The following COL4A2 variants were observed in gnomAD, a reference collection of about 807,000 sequenced individuals.
COL4A2 encodes the protein collagen type IV alpha 2 chain.
Under a neutral mutation model 200.2 loss-of-function variants are expected in COL4A2, and 99 were observed. The observed-to-expected ratio is 0.49, with a 90% CI of 0.42 to 0.58. The LOEUF is 0.58. COL4A2 is among the 20% of genes least tolerant of loss of function. The pLI, the probability that COL4A2 is intolerant of heterozygous loss-of-function variation, is 0.00. For missense variants in COL4A2, 1,950 were observed against 2,314.1 expected (o/e 0.84, Z 3.23); for synonymous variants, 897 against 900.6 (o/e 1.00, Z 0.07).
chr13:110,457,773 A>C, intron 21 of COL4A2: 1 of 490,982 alleles, frequency 2.0e-6, no homozygotes, highest in Non-Finnish European at 4.2e-6. Context: ...GTAGTGTCTC[A>C]AGGGCTCAGC....
At chr13:110,417,847 A>G (rs1374117194) in intron 4 of COL4A2, among the ~76,000 whole-genome samples, 1 of 151,516 alleles carries the variant, frequency 6.6e-6, no homozygotes, top group Admixed American at 6.6e-5. Context: ...TAATTTAATA[A>G]AACCAGGATG....
chr13:110,506,348 C>A, intron 45 of COL4A2, 67 bp from the exon 46 acceptor site: 1 of 1,505,846 alleles, frequency 6.6e-7, no homozygotes. Context: ...CCAGGCCGTC[C>A]ACTCTCTCTC....
chr13:110,442,139 C>G lies in COL4A2; in HGVS notation c.957+2306C>G, dbSNP rs547363747. On this transcript the variant is annotated intron_variant, in intron 16 of 47. Coordinates refer to ENST00000360467, the MANE Select transcript of COL4A2 (RefSeq NM_001846.4). ...AAGGGCAGTTCCACAGAGCTGCTCC[C>G]TGGAACTCCAAAGTTAATGAAAGAC... Among the ~76,000 whole-genome samples the G allele has an allele frequency of 6.0e-5, 9 of 150,578 alleles. No homozygotes were observed. The South Asian group carries it at 1.9e-3, about 32-fold the overall frequency.
intron 47 of COL4A2, among the ~76,000 whole-genome samples, chr13:110,509,245 T>TTA (rs374846915): frequency 0.13 from 9,362 of 71,788 alleles, 748 homozygotes; most frequent in Non-Finnish European, 0.18. Flanking sequence ...ATTTCATAAA[T>TTA]TATATATATA....
At chr13:110,482,377 T>G (rs1402846665) in intron 31 of COL4A2, 139 bp from the exon 32 acceptor site, 3 of 872,098 alleles carry the variant, frequency 3.4e-6, no homozygotes. Context: ...TAGAAGATGG[T>G]GTCCCCGGAA....
chr13:110,480,267 C>T lies in COL4A2; in HGVS notation c.2635C>T (p.Pro879Ser). 2 of 1,613,470 alleles carry T rather than the reference C, an allele frequency of 1.2e-6. No individual in the cohort carries two copies. Among genetic ancestry groups the T allele is most frequent in the Non-Finnish European group, 1.7e-6 (2 of 1,179,666 alleles). ...GDPGDTGAPG[P>S]VGMKGLSGDR... The stretch of plus-strand genomic sequence containing the variant: ...CCCTGGGGACACAGGCGCTCCTGGC[C>T]CTGTGGGCATGAAAGGTCTCTCTGG... Residue 879 changes from proline (P) to serine (S), a missense_variant, in exon 31 of 48, where the codon CCT (proline) becomes TCT (serine). Physicochemically the swap from Pro to Ser is moderately conservative, Grantham distance 74. This residue lies in a region of COL4A2 where 1,385 missense variants were observed against 1,720.5 expected (regional missense o/e 0.80). Coordinates refer to ENST00000360467, the MANE Select transcript of COL4A2 (RefSeq NM_001846.4).
intron 16 of COL4A2, among the ~76,000 whole-genome samples, chr13:110,443,345 G>A (rs2139473278): frequency 6.6e-6 from 1 of 152,294 alleles, no homozygotes; most frequent in South Asian, 2.1e-4. Flanking sequence ...AGAGACAGCA[G>A]ACTGCTTTTA....
chr13:110,390,826 G>A (rs1878961148), intron 4 of COL4A2, among the ~76,000 whole-genome samples: 1 of 152,198 alleles, frequency 6.6e-6, no homozygotes, highest in Admixed American at 6.5e-5. Flanking sequence ...TGTGGCCGAT[G>A]AGTCCCTGTT....
intron 30 of COL4A2, among the ~76,000 whole-genome samples, chr13:110,479,852 T>C (rs1882836204): frequency 6.6e-6 from 1 of 152,200 alleles, no homozygotes; most frequent in Non-Finnish European, 1.5e-5. Context: ...GAGCCAGTGA[T>C]GTTCGCGAGG....
At chr13:110,432,424 GT>G in intron 11 of COL4A2, 64 bp downstream of exon 11, 1 of 1,524,410 alleles carries the variant, frequency 6.6e-7, no homozygotes, top group East Asian at 2.3e-5. Flanking sequence ...GGGTTTGTTT[GT>G]TTTTTACCAT....
intron 18 of COL4A2, among the ~76,000 whole-genome samples, chr13:110,448,036 A>G (rs1175589775): frequency 6.6e-6 from 1 of 152,198 alleles, no homozygotes; most frequent in African/African-American, 2.4e-5. Context: ...GGAGCCGTGA[A>G]TGGGGATATT....
At chr13:110,410,390 G>A (rs1879786035) in intron 4 of COL4A2, among the ~76,000 whole-genome samples, 1 of 152,182 alleles carries the variant, frequency 6.6e-6, no homozygotes, top group African/African-American at 2.4e-5. Context: ...GGTAGCTTCT[G>A]GCTGTAAACA....
chr13:110,447,788 G>A (rs559660394), intron 18 of COL4A2, among the ~76,000 whole-genome samples: 44 of 152,300 alleles, frequency 2.9e-4, no homozygotes, highest in African/African-American at 1.0e-3. Context: ...ATTGTGAAGG[G>A]TAGGGTTTTT....
intron 27 of COL4A2, chr13:110,468,100 T>A (rs1264803260): frequency 2.1e-6 from 1 of 467,514 alleles, no homozygotes; most frequent in East Asian, 7.0e-5. Flanking sequence ...GCGACACCAG[T>A]GTAGTATGAA....
In COL4A2 at chr13:110,484,623, G is replaced by T. The variant is rs78678672; in HGVS notation, c.2903-282G>T. Among the ~76,000 whole-genome samples the T allele has an allele frequency of 1.7e-4, 26 of 152,246 alleles. No homozygotes were observed. The East Asian group carries it at 4.8e-3, about 28-fold the overall frequency. ...CAAAGCATCCTATGGGAGTCACACT[G>T]GCTTTGACCGCTCCCTCTGCATCTG... On this transcript the variant is annotated intron_variant, in intron 32 of 47. Coordinates refer to ENST00000360467, the MANE Select transcript of COL4A2 (RefSeq NM_001846.4).
chr13:110,348,114 T>C (rs1239324404), intron 3 of COL4A2, among the ~76,000 whole-genome samples: 1 of 152,154 alleles, frequency 6.6e-6, no homozygotes, highest in Admixed American at 6.5e-5. Context: ...CAGCCTGAGC[T>C]CCTCCCTCCT....
intron 4 of COL4A2, among the ~76,000 whole-genome samples, chr13:110,415,865 G>A (rs1427570941): frequency 6.6e-6 from 1 of 152,182 alleles, no homozygotes; most frequent in East Asian, 1.9e-4. Context: ...GGCCCCATGG[G>A]GTAATGACAG....
chr13:110,368,227 G>C lies in COL4A2; in HGVS notation c.180+10675G>C, dbSNP rs143215635. Among the ~76,000 whole-genome samples, 526 of 152,192 alleles carry C rather than the reference G, an allele frequency of 3.5e-3. 1 individual carries two copies. The highest frequency in any genetic ancestry group is 0.012 in the African/African-American group (510 of 41,530). On this transcript the variant is annotated intron_variant, in intron 4 of 47. Transcript: ENST00000360467. ...GGAGAGAAATTGGATAGACTTTACT[G>C]GTAACTTAAGGAAAGACAAAAAGGC...
chr13:110,366,584 G>A (rs559722323), intron 4 of COL4A2, among the ~76,000 whole-genome samples: 81 of 152,290 alleles, frequency 5.3e-4, no homozygotes, highest in African/African-American at 1.9e-3. Flanking sequence ...CCAAGCAACC[G>A]TATGCACATT....
Sources: allele counts gnomAD v4.1 joint callset (sites outside exome capture counted in the v4.1 genomes callset), GRCh38; gene constraint gnomAD v4.1.1; regional missense constraint gnomAD v4.1.1; transcripts MANE v1.5; gene names NCBI Gene and HGNC (gene_info 2026-07-23, HGNC 2026-07-21).